The following KBTBD11 variants were observed in gnomAD, a reference collection of about 807,000 sequenced individuals.
KBTBD11 encodes the protein kelch repeat and BTB domain-containing protein 11.
For missense variants in KBTBD11, 1,390 were observed against 1,001.8 expected (o/e 1.39, Z -5.23); for synonymous variants, 747 against 499.0 (o/e 1.50, Z -6.63).
At chr8:2,000,161 C>T (rs3779714) in intron 1 of KBTBD11, 124 bp from the exon 2 acceptor site, 21,788 of 152,204 alleles carry the variant, frequency 0.14, 1,782 homozygotes, top group East Asian at 0.17. Context: ...ATCACAACCC[C>T]TTTACAACCA....
At chr8:1,984,194 T>C (rs989474535) in intron 1 of KBTBD11, among the ~76,000 whole-genome samples, 1 of 151,792 alleles carries the variant, frequency 6.6e-6, no homozygotes, top group African/African-American at 2.4e-5. Context: ...TCCAAACACT[T>C]TGGGAGGCCG....
Position 1,977,961 on chromosome 8 carries a change from A to G in KBTBD11, c.-909+4026A>G, listed in dbSNP as rs148332367. Among the ~76,000 whole-genome samples, 435 of 152,354 alleles carry G rather than the reference A, an allele frequency of 2.9e-3. 4 individuals are homozygous for G. The highest frequency in any genetic ancestry group is 0.01 in the African/African-American group (423 of 41,586). Reference sequence around the variant, plus strand: ...CTTGTTCCAATATCATGGTGGTTCAATAAGCCATGCACAGCTTAGTGGCTT... The same window carrying G: ...CTTGTTCCAATATCATGGTGGTTCAGTAAGCCATGCACAGCTTAGTGGCTT... On this transcript the variant is annotated intron_variant, in intron 1 of 1. Transcript: ENST00000320248.
chr8:1,991,538 C>T (rs1053429417), intron 1 of KBTBD11, among the ~76,000 whole-genome samples: 2 of 152,016 alleles, frequency 1.3e-5, no homozygotes, highest in Admixed American at 1.3e-4. Flanking sequence ...CCCTCGATTC[C>T]AGCTCTGTGA....
chr8:1,979,310 C>T (rs1362354698), intron 1 of KBTBD11, among the ~76,000 whole-genome samples: 1 of 152,162 alleles, frequency 6.6e-6, no homozygotes, highest in Non-Finnish European at 1.5e-5. Flanking sequence ...AAAATCTTCC[C>T]ATGTAAATGT....
intron 1 of KBTBD11, among the ~76,000 whole-genome samples, chr8:1,998,001 G>A (rs1388443611): frequency 6.6e-6 from 1 of 152,170 alleles, no homozygotes; most frequent in Non-Finnish European, 1.5e-5. Flanking sequence ...AGATGATTGA[G>A]TTTCATTATT....
chr8:1,979,354 G>T (rs1373527593), intron 1 of KBTBD11, among the ~76,000 whole-genome samples: 1 of 152,216 alleles, frequency 6.6e-6, no homozygotes, highest in Non-Finnish European at 1.5e-5. Flanking sequence ...CTTAGGCCAG[G>T]TGCAGTGGCT....
At chr8:1,989,889 G>A (rs1192842038) in intron 1 of KBTBD11, among the ~76,000 whole-genome samples, 2 of 145,026 alleles carry the variant, frequency 1.4e-5, no homozygotes, top group Admixed American at 6.9e-5. Flanking sequence ...GTGAGGGCCA[G>A]CTCACTAGGG....
At position 2,003,157 on chromosome 8, in the gene KBTBD11, G is replaced by A. The variant is rs868113236; in HGVS notation, c.*93G>A. The A allele has an allele frequency of 1.5e-5, 19 of 1,246,774 alleles. No homozygotes were observed. The Middle Eastern group carries it at 9.3e-4, about 61-fold the overall frequency. 77.2% of individuals were successfully genotyped at this position (1,246,774 alleles called of 1,614,324 possible). On this transcript the variant is annotated 3_prime_UTR_variant, in exon 2 of 2. Transcript: ENST00000320248. ...GAGGAGGACGTGGTGGGGAGTCGGG[G>A]CCGCTGGCCACGCTGGTGGTTTGGA...
At position 1,993,503 on chromosome 8, in the gene KBTBD11, A is replaced by G. The variant is rs1217283832; in HGVS notation, c.-908-6782A>G. On this transcript the variant is annotated intron_variant, in intron 1 of 1. Coordinates refer to ENST00000320248, the MANE Select transcript of KBTBD11 (RefSeq NM_014867.3). ...CATCTATCCGTCCATCCGTCCATCC[A>G]TCCATCCATCCATCCACCCATCCAT... 9.3e-5 allele frequency among the ~76,000 whole-genome samples: 5 copies of G among 53,756 alleles called. No individual in the cohort carries two copies. In the East Asian group the frequency reaches 4.5e-3, roughly 48 times the overall value. 35.3% of individuals were successfully genotyped at this position (53,756 alleles called of 152,430 possible). A position where few individuals can be genotyped will look rare whatever the true frequency, so the allele number is the denominator to read the frequency against.
At chr8:1,995,698 A>C (rs988800124) in intron 1 of KBTBD11, among the ~76,000 whole-genome samples, 1 of 152,182 alleles carries the variant, frequency 6.6e-6, no homozygotes, top group Non-Finnish European at 1.5e-5. Flanking sequence ...TATTTGTAAC[A>C]GCAGTTGAAA....
rs2129317470 is a variant in KBTBD11 at position 2,003,990 on chromosome 8, C to T, written c.*926C>T. ...CTAAAAAGCGGGGAAAATCATTTTG[C>T]TTTGACAGTTCTATAAAAAAAAGTG... is the stretch of plus-strand genomic sequence containing the variant. On this transcript the variant is annotated 3_prime_UTR_variant, in exon 2 of 2. Coordinates refer to ENST00000320248, the MANE Select transcript of KBTBD11 (RefSeq NM_014867.3). The T allele has an allele frequency of 6.0e-6, 1 of 166,804 alleles. No homozygotes were observed. The highest frequency in any genetic ancestry group is 1.9e-4 in the East Asian group (1 of 5,188). The allele number at this position is 166,804 out of a possible 1,614,324, so 10.3% of individuals were successfully genotyped here.
intron 1 of KBTBD11, among the ~76,000 whole-genome samples, chr8:1,978,172 C>G (rs1816415054): frequency 6.6e-6 from 1 of 152,228 alleles, no homozygotes; most frequent in African/African-American, 2.4e-5. Context: ...CTACAGGCCC[C>G]AGTGTGTGTT....
chr8:1,998,439 G>A (rs1487417890), intron 1 of KBTBD11, among the ~76,000 whole-genome samples: 2 of 152,176 alleles, frequency 1.3e-5, no homozygotes, highest in African/African-American at 4.8e-5. Context: ...ACTTTGCAGG[G>A]CAGAGTTCCA....
Position 2,005,214 on chromosome 8 carries a change from G to T in KBTBD11, c.*2150G>T, listed in dbSNP as rs983238151. ...GTAGCACAGCTTCCTGTGGGGCCCG[G>T]CAGCAAAGCCCCAGGTGCTCCCTGT... On this transcript the variant is annotated 3_prime_UTR_variant, in exon 2 of 2. Transcript: ENST00000320248. The T allele has an allele frequency of 4.2e-5, 7 of 166,982 alleles. No individual in the cohort carries two copies. Among genetic ancestry groups the T allele is most frequent in the Admixed American group, 6.6e-5 (1 of 15,242 alleles). 10.3% of individuals were successfully genotyped at this position (166,982 alleles called of 1,614,324 possible). A position where few individuals can be genotyped will look rare whatever the true frequency, so the allele number is the denominator to read the frequency against.
At chr8:1,994,482 C>G (rs1362842834) in intron 1 of KBTBD11, among the ~76,000 whole-genome samples, 1 of 152,244 alleles carries the variant, frequency 6.6e-6, no homozygotes, top group Non-Finnish European at 1.5e-5. Flanking sequence ...GGCACGGTGG[C>G]TGATGGCGTG....
intron 1 of KBTBD11, among the ~76,000 whole-genome samples, chr8:1,990,221 C>CTGCGGGGCCT (rs2129312409): frequency 6.6e-6 from 1 of 150,980 alleles, no homozygotes; most frequent in East Asian, 2.0e-4. Context: ...CAGGTGGGTG[C>CTGCGGGGCCT]TGGGCCTTGG....
In KBTBD11 at chr8:1,986,018, T is replaced by G. The variant is rs1025797963; in HGVS notation, c.-909+12083T>G. On this transcript the variant is annotated intron_variant, in intron 1 of 1. Transcript: ENST00000320248. ...TCTCTTCCTGCTCACATAACTGCAC[T>G]CTTGTTTGACAGACCACAAGTCTTG... 2.6e-5 allele frequency among the ~76,000 whole-genome samples: 4 copies of G among 152,220 alleles called. No individual in the cohort carries two copies. In the East Asian group the frequency reaches 7.7e-4, roughly 29 times the overall value.
rs561621278 is a variant in KBTBD11 at position 2,006,850 on chromosome 8, T to C, written c.*3786T>C. On this transcript the variant is annotated 3_prime_UTR_variant, in exon 2 of 2. Transcript: ENST00000320248. ...TAATGTATTTATTAATGCTTGACTTTTAAAATCCTGGGCATAAATAGTGCA... is the reference window on the plus strand; with the variant it reads ...TAATGTATTTATTAATGCTTGACTTCTAAAATCCTGGGCATAAATAGTGCA... 2 of 167,086 alleles carry C rather than the reference T, an allele frequency of 1.2e-5. No individual in the cohort carries two copies. Among genetic ancestry groups the C allele is most frequent in the African/African-American group, 4.8e-5 (2 of 41,476 alleles). The allele number at this position is 167,086 out of a possible 1,614,324, so 10.4% of individuals were successfully genotyped here. A position where few individuals can be genotyped will look rare whatever the true frequency, so the allele number is the denominator to read the frequency against.
At position 2,001,064 on chromosome 8, in the gene KBTBD11, A is replaced by G; in HGVS notation, c.-129A>G. ...ACACAACAACAAAGCGTGGACACAC[A>G]GAAGTGAAATCTGATCGCGTGCCAG... On this transcript the variant is annotated 5_prime_UTR_variant, in exon 2 of 2. Transcript: ENST00000320248. The G allele has an allele frequency of 8.4e-7, 1 of 1,195,008 alleles. No homozygotes were observed. 74.0% of individuals were successfully genotyped at this position (1,195,008 alleles called of 1,614,324 possible). A position where few individuals can be genotyped will look rare whatever the true frequency, so the allele number is the denominator to read the frequency against.
Sources: allele counts gnomAD v4.1 joint callset (sites outside exome capture counted in the v4.1 genomes callset), GRCh38; gene constraint gnomAD v4.1.1; transcripts MANE v1.5; gene names NCBI Gene and HGNC (gene_info 2026-07-23, HGNC 2026-07-21).